The following OPCML variants were observed in gnomAD, a reference collection of about 807,000 sequenced individuals.
OPCML encodes opioid binding protein/cell adhesion molecule like.
OPCML carries 13 observed loss-of-function variants against 37.8 expected under a neutral mutation model. That is an observed-to-expected ratio of 0.34 (90% CI 0.22 to 0.55). OPCML has a LOEUF of 0.55. Among genes scored for constraint, OPCML ranks in the 20% least tolerant of loss-of-function variants. The pLI, the probability that OPCML is intolerant of heterozygous loss-of-function variation, is 0.91. For synonymous variants in OPCML, 176 were observed against 168.8 expected, an observed-to-expected ratio of 1.04 and a Z score of -0.33; for missense variants, 341 against 435.6, an observed-to-expected ratio of 0.78 and a Z score of 1.93.
intron 1 of OPCML, among the ~76,000 whole-genome samples, chr11:133,283,760 T>A (rs998390659): frequency 3.9e-5 from 6 of 152,176 alleles, no homozygotes; most frequent in Non-Finnish European, 8.8e-5. Flanking sequence ...CCCCGGTATA[T>A]GAGGTTCATT....
intron 1 of OPCML, among the ~76,000 whole-genome samples, chr11:133,172,971 A>G (rs2136271969): frequency 6.6e-6 from 1 of 152,348 alleles, no homozygotes; most frequent in South Asian, 2.1e-4. Flanking sequence ...CCTGGGATAT[A>G]GATTTGGAAA....
At chr11:132,766,921 A>G (rs979562523) in intron 2 of OPCML, among the ~76,000 whole-genome samples, 2 of 152,252 alleles carry the variant, frequency 1.3e-5, no homozygotes, top group Non-Finnish European at 2.9e-5. Flanking sequence ...TCTTGTTCTT[A>G]ACATAAACAC....
At chr11:132,985,722 G>A (rs982031956) in intron 1 of OPCML, among the ~76,000 whole-genome samples, 2 of 152,152 alleles carry the variant, frequency 1.3e-5, no homozygotes, top group African/African-American at 2.4e-5. Flanking sequence ...AAAAGGAGAG[G>A]ATTATACAGG....
intron 1 of OPCML, among the ~76,000 whole-genome samples, chr11:133,012,414 G>A (rs954651493): frequency 6.6e-6 from 1 of 152,094 alleles, no homozygotes; most frequent in East Asian, 1.9e-4. Context: ...AAACAAAGAG[G>A]GGGAATGTGA....
intron 1 of OPCML, among the ~76,000 whole-genome samples, chr11:133,182,985 T>C: frequency 6.6e-6 from 1 of 152,090 alleles, no homozygotes; most frequent in East Asian, 1.9e-4. Flanking sequence ...TCAAGGAAAT[T>C]GAAAACGTGA....
rs569306695 is a variant in OPCML, at chr11:133,457,943, G to A, written c.61+74321C>T. 7.2e-5 allele frequency among the ~76,000 whole-genome samples: 11 copies of A among 151,992 alleles called. No individual in the cohort carries two copies. In the East Asian group the frequency reaches 2.0e-3, roughly 27 times the overall value. ...AGGTGGGTCATGAGGTCAGGAGTTC[G>A]AGACCAGCCTGGCCAACATGGTGAA... On this transcript the variant is annotated intron_variant, in intron 1 of 7. Transcript: ENST00000524381.
At chr11:132,877,758 T>C (rs986865637) in intron 2 of OPCML, among the ~76,000 whole-genome samples, 3 of 152,178 alleles carry the variant, frequency 2.0e-5, no homozygotes, top group Non-Finnish European at 4.4e-5. Context: ...GTCTCCAAGC[T>C]GGGGTCATGC....
intron 2 of OPCML, among the ~76,000 whole-genome samples, chr11:132,895,057 GT>G (rs1374738045): frequency 1.3e-5 from 2 of 152,124 alleles, no homozygotes; most frequent in African/African-American, 4.8e-5. Context: ...GGTTCTAGAG[GT>G]TTTCATAATT....
At chr11:132,837,703 C>T (rs187827215) in intron 2 of OPCML, among the ~76,000 whole-genome samples, 21 of 152,270 alleles carry the variant, frequency 1.4e-4, no homozygotes, top group African/African-American at 5.1e-4. Flanking sequence ...AGGAAAGACT[C>T]CACAGAGGAG....
intron 1 of OPCML, among the ~76,000 whole-genome samples, chr11:133,116,684 T>C (rs1003505350): frequency 6.6e-6 from 1 of 152,118 alleles, no homozygotes; most frequent in Non-Finnish European, 1.5e-5. Context: ...CCATTACTGG[T>C]GATGTTCACT....
intron 2 of OPCML, among the ~76,000 whole-genome samples, chr11:132,744,359 C>T (rs1320724779): frequency 1.1e-4 from 16 of 152,292 alleles, no homozygotes; most frequent in Admixed American, 9.8e-4. Context: ...GAAACTTTTG[C>T]CTCCCAACTT....
chr11:133,072,862 A>G (rs1037063477), intron 1 of OPCML, among the ~76,000 whole-genome samples: 5 of 152,240 alleles, frequency 3.3e-5, no homozygotes, highest in South Asian at 2.1e-4. Context: ...GTCTTGTGAC[A>G]CTGGTTTTAC....
intron 2 of OPCML, among the ~76,000 whole-genome samples, chr11:132,902,453 G>A (rs150539718): frequency 0.013 from 1,907 of 152,318 alleles, 53 homozygotes; most frequent in African/African-American, 0.044. Flanking sequence ...TGACTTGGCT[G>A]TTGAGCGGCC....
chr11:132,965,812 T>C (rs1413833123), intron 1 of OPCML, among the ~76,000 whole-genome samples: 1 of 152,222 alleles, frequency 6.6e-6, no homozygotes, highest in Non-Finnish European at 1.5e-5. Flanking sequence ...ATTACAGGCA[T>C]GAGCCATTGA....
intron 2 of OPCML, among the ~76,000 whole-genome samples, chr11:132,694,820 C>CCCTT (rs1287123559): frequency 1.3e-5 from 2 of 152,140 alleles, no homozygotes; most frequent in African/African-American, 2.4e-5. Flanking sequence ...TGCAATTCTC[C>CCCTT]CCTTCCTTCC....
At chr11:133,430,253 G>T (rs1050861960) in intron 1 of OPCML, among the ~76,000 whole-genome samples, 1 of 151,802 alleles carries the variant, frequency 6.6e-6, no homozygotes, top group Non-Finnish European at 1.5e-5. Flanking sequence ...AACTACAATG[G>T]GTTTTAAAAA....
At chr11:132,602,355 T>C (rs1027466450) in intron 3 of OPCML, among the ~76,000 whole-genome samples, 1 of 152,196 alleles carries the variant, frequency 6.6e-6, no homozygotes, top group Non-Finnish European at 1.5e-5. Flanking sequence ...CCCAAACCTA[T>C]AGATTGTTAT....
intron 1 of OPCML, among the ~76,000 whole-genome samples, chr11:133,489,846 ATATATATT>A (rs1947615607): frequency 7.1e-6 from 1 of 141,796 alleles, no homozygotes; most frequent in African/African-American, 2.7e-5. Flanking sequence ...ATATATATAT[ATATATATT>A]TTTTTATACA....
intron 1 of OPCML, among the ~76,000 whole-genome samples, chr11:133,199,944 A>G (rs1444551487): frequency 6.6e-6 from 1 of 152,166 alleles, no homozygotes; most frequent in Non-Finnish European, 1.5e-5. Flanking sequence ...AAACAAACTC[A>G]ATCTTTGCAC....
Sources: allele counts gnomAD v4.1 joint callset (sites outside exome capture counted in the v4.1 genomes callset), GRCh38; gene constraint gnomAD v4.1.1; transcripts MANE v1.5; gene names NCBI Gene and HGNC (gene_info 2026-07-23, HGNC 2026-07-21).